The following TEAD1 variants were observed in gnomAD, a reference collection of about 807,000 sequenced individuals.
TEAD1 encodes the protein TEA domain transcription factor 1, also known as transcriptional enhancer factor TEF-1.
In TEAD1, 9 loss-of-function variants were observed where a neutral mutation model predicts 54.9. The observed-to-expected ratio is 0.16, with a 90% confidence interval of 0.10 to 0.29. TEAD1 has a LOEUF of 0.29. Among genes scored for constraint, TEAD1 ranks in the 10% least tolerant of loss-of-function variants. The pLI is 1.00. For missense variants in TEAD1, 387 were observed against 535.9 expected (o/e 0.72, Z 2.74); for synonymous variants, 200 against 187.8 (o/e 1.07, Z -0.53).
At chr11:12,846,603 G>A (rs570472243) in intron 3 of TEAD1, among the ~76,000 whole-genome samples, 1 of 152,152 alleles carries the variant, frequency 6.6e-6, no homozygotes, top group South Asian at 2.1e-4. Context: ...AATATTGTGG[G>A]TACTGAGAAT....
In TEAD1 at chr11:12,901,926, T is replaced by G. The variant is rs1469756334; in HGVS notation, c.700-14T>G. 6.2e-7 allele frequency: 1 copy of G among 1,614,070 alleles called. No individual in the cohort carries two copies. The highest frequency in any genetic ancestry group is 8.5e-7 in the Non-Finnish European group (1 of 1,180,038). Reference sequence around the variant, plus strand: ...AGAGTTTGTAATGGGAATGTTTCTGTTGGTTTCTTACAGTACAACAAACAC... The same window carrying G: ...AGAGTTTGTAATGGGAATGTTTCTGGTGGTTTCTTACAGTACAACAAACAC... On this transcript the variant is annotated splice_polypyrimidine_tract_variant and intron_variant, in intron 9 of 12. Coordinates refer to ENST00000527636, the MANE Select transcript of TEAD1 (RefSeq NM_021961.6).
At chr11:12,871,534 A>G (rs1259234300) in intron 5 of TEAD1, among the ~76,000 whole-genome samples, 1 of 152,176 alleles carries the variant, frequency 6.6e-6, no homozygotes, top group Non-Finnish European at 1.5e-5. Context: ...AGTTCCATGC[A>G]GGAGTCTCTT....
intron 2 of TEAD1, among the ~76,000 whole-genome samples, chr11:12,727,482 C>T (rs980337910): frequency 6.6e-6 from 1 of 151,900 alleles, no homozygotes; most frequent in African/African-American, 2.4e-5. Context: ...AACACCCATC[C>T]CACAGTGGGG....
chr11:12,837,994 A>T (rs1946941934), intron 3 of TEAD1, among the ~76,000 whole-genome samples: 1 of 151,626 alleles, frequency 6.6e-6, no homozygotes, highest in Non-Finnish European at 1.5e-5. Context: ...ACTGGTTTTC[A>T]CCATGTTGGC....
At chr11:12,798,380 TATATTG>T (rs1250458319) in intron 3 of TEAD1, among the ~76,000 whole-genome samples, 1 of 152,212 alleles carries the variant, frequency 6.6e-6, no homozygotes, top group African/African-American at 2.4e-5. Flanking sequence ...TGATTTCACT[TATATTG>T]ATTTTTAACG....
chr11:12,760,751 C>T (rs1302453561), intron 2 of TEAD1, among the ~76,000 whole-genome samples: 3 of 152,156 alleles, frequency 2.0e-5, no homozygotes, highest in South Asian at 2.1e-4. Context: ...ACTCTCAGAG[C>T]CTGTAGATAC....
intron 2 of TEAD1, among the ~76,000 whole-genome samples, chr11:12,752,915 A>C (rs1357885174): frequency 6.6e-6 from 1 of 151,460 alleles, no homozygotes; most frequent in Non-Finnish European, 1.5e-5. Flanking sequence ...ATCACAGCTC[A>C]CTACAGCTTG....
intron 5 of TEAD1, among the ~76,000 whole-genome samples, chr11:12,868,710 T>C (rs1442576642): frequency 6.6e-6 from 1 of 152,266 alleles, no homozygotes; most frequent in Non-Finnish European, 1.5e-5. Flanking sequence ...AGATTTGAAC[T>C]TGAAAAGCAT....
At chr11:12,853,688 C>G (rs1947317799) in intron 3 of TEAD1, among the ~76,000 whole-genome samples, 1 of 152,192 alleles carries the variant, frequency 6.6e-6, no homozygotes, top group South Asian at 2.1e-4. Flanking sequence ...TTTTTACTTG[C>G]TCATCTCTTT....
In TEAD1 at chr11:12,712,371, T is replaced by G. The variant is rs145136906; in HGVS notation, c.-55+36810T>G. Among the ~76,000 whole-genome samples the G allele has an allele frequency of 7.3e-4, 111 of 152,284 alleles. 1 individual carries two copies. In the East Asian group the frequency reaches 0.014, roughly 19 times the overall value. ...CTTCCTGTGAGAACCACTGACATTT[T>G]ATGTGCACCTACACAGCTTCACCTG... On this transcript the variant is annotated intron_variant, in intron 2 of 12. Coordinates refer to ENST00000527636, the MANE Select transcript of TEAD1 (RefSeq NM_021961.6).
At chr11:12,686,521 C>A (rs2133818124) in intron 2 of TEAD1, among the ~76,000 whole-genome samples, 1 of 151,854 alleles carries the variant, frequency 6.6e-6, no homozygotes, top group South Asian at 2.1e-4. Flanking sequence ...CCTTTTAGAC[C>A]AAAAAAGTTT....
chr11:12,941,263 G>T lies in TEAD1; in HGVS notation c.*4041G>T. 6.6e-6 allele frequency: 1 copy of T among 152,170 alleles called. No individual in the cohort carries two copies. The highest frequency in any genetic ancestry group is 1.9e-4 in the East Asian group (1 of 5,194). 9.4% of individuals were successfully genotyped at this position (152,170 alleles called of 1,614,324 possible). On this transcript the variant is annotated 3_prime_UTR_variant, in exon 13 of 13. Transcript: ENST00000527636. ...TGCTATCTGAGGCATCCACAAGCAG[G>T]TAGGAAAGCTGGCGAGCCATTTTAC... is the stretch of plus-strand genomic sequence containing the variant.
At chr11:12,714,589 C>T (rs1944014338) in intron 2 of TEAD1, among the ~76,000 whole-genome samples, 1 of 152,214 alleles carries the variant, frequency 6.6e-6, no homozygotes. Flanking sequence ...GGCATGGACT[C>T]ATCCCTCTTT....
intron 5 of TEAD1, among the ~76,000 whole-genome samples, chr11:12,868,320 C>T (rs1255649662): frequency 6.6e-6 from 1 of 152,170 alleles, no homozygotes; most frequent in Admixed American, 6.5e-5. Flanking sequence ...TGAAAAGCCC[C>T]CTGTTTTAGG....
At position 12,906,005 on chromosome 11, in the gene TEAD1, A is replaced by G. The variant is rs76782429; in HGVS notation, c.873+3892A>G. 6.0e-3 allele frequency among the ~76,000 whole-genome samples: 912 copies of G among 152,252 alleles called. 8 individuals are homozygous for G. The highest frequency in any genetic ancestry group is 0.02 in the African/African-American group (848 of 41,546). On this transcript the variant is annotated intron_variant, in intron 10 of 12. Coordinates refer to ENST00000527636, the MANE Select transcript of TEAD1 (RefSeq NM_021961.6). Reference sequence around the variant, plus strand: ...ATGGGATGGTGATGAGCCAAGTAGTAGTCACTCCACTGATTTTAGGGTGGA... The same window carrying G: ...ATGGGATGGTGATGAGCCAAGTAGTGGTCACTCCACTGATTTTAGGGTGGA...
At chr11:12,785,552 A>G (rs1945660563) in intron 3 of TEAD1, among the ~76,000 whole-genome samples, 1 of 152,242 alleles carries the variant, frequency 6.6e-6, no homozygotes, top group Non-Finnish European at 1.5e-5. Context: ...TAGGCAAACC[A>G]GGATATATAA....
intron 2 of TEAD1, among the ~76,000 whole-genome samples, chr11:12,761,100 T>C (rs1945094652): frequency 6.6e-6 from 1 of 152,180 alleles, no homozygotes; most frequent in South Asian, 2.1e-4. Context: ...AGTAAACGAA[T>C]AAAAACGTGA....
intron 12 of TEAD1, among the ~76,000 whole-genome samples, chr11:12,932,009 C>CA (rs1325991055): frequency 2.0e-5 from 3 of 152,184 alleles, no homozygotes; most frequent in Non-Finnish European, 4.4e-5. Flanking sequence ...CAAGGACTCT[C>CA]AGAGTTTATA....
chr11:12,900,792 C>A (rs546956459), intron 9 of TEAD1, among the ~76,000 whole-genome samples: 2 of 152,220 alleles, frequency 1.3e-5, no homozygotes, highest in African/African-American at 4.8e-5. Flanking sequence ...TGGAGAATTG[C>A]CAGTTTTAAC....
Sources: gnomAD v4.1 joint callset for allele counts (sites outside exome capture counted in the v4.1 genomes callset) on GRCh38, gnomAD v4.1.1 for gene constraint, MANE v1.5 for transcripts, NCBI Gene and HGNC (gene_info 2026-07-23, HGNC 2026-07-21) for gene names.